SOX6: variants seen among roughly 807,000 people sequenced by gnomAD.
SOX6 encodes the protein transcription factor SOX-6.
A neutral mutation model predicts 97.8 loss-of-function variants in SOX6; 11 were observed. The ratio of observed to expected loss-of-function variants is 0.11; its 90% CI spans 0.07 to 0.19. The LOEUF is 0.19. Among genes scored for constraint, SOX6 ranks in the 10% least tolerant of loss-of-function variants. SOX6 has a pLI of 1.00. For synonymous variants in SOX6, 360 were observed against 371.4 expected, an observed-to-expected ratio of 0.97 and a Z score of 0.35; for missense variants, 810 against 1,039.5, an observed-to-expected ratio of 0.78 and a Z score of 3.04.
chr11:16,432,098 G>A (rs926667932), intron 1 of SOX6, among the ~76,000 whole-genome samples: 4 of 151,912 alleles, frequency 2.6e-5, no homozygotes, highest in South Asian at 2.1e-4. Context: ...CATTCATTTC[G>A]CAGCATCTCA....
At chr11:16,214,773 G>A (rs1183077108) in intron 4 of SOX6, among the ~76,000 whole-genome samples, 4 of 139,390 alleles carry the variant, frequency 2.9e-5, no homozygotes, top group Non-Finnish European at 6.1e-5. Flanking sequence ...TTTTTGAGAC[G>A]GAGTTTCGCT....
intron 7 of SOX6, among the ~76,000 whole-genome samples, chr11:16,102,069 C>T (rs1377905674): frequency 6.6e-6 from 1 of 151,610 alleles, no homozygotes. Context: ...GCATCCAAAT[C>T]GGTAAAAAGG....
rs765204793 is a variant in SOX6 at position 16,352,795 on chromosome 11, T to C, written c.-5+3299A>G. Among the ~76,000 whole-genome samples the C allele has an allele frequency of 1.6e-4, 25 of 152,118 alleles. 1 individual carries two copies. The Middle Eastern group carries it at 0.014, about 83-fold the overall frequency. On this transcript the variant is annotated intron_variant, in intron 1 of 15. Transcript: ENST00000683767. ...TTTTCTTTTCTGTGTACTTCTACAG[T>C]TTGAGATATGTAATTACTAGTTAAC...
intron 1 of SOX6, among the ~76,000 whole-genome samples, chr11:16,467,395 T>C (rs1263349227): frequency 6.6e-6 from 1 of 152,182 alleles, no homozygotes; most frequent in Non-Finnish European, 1.5e-5. Flanking sequence ...CCTAAATGAC[T>C]ATCAACGATA....
chr11:16,695,010 C>T (rs1468617398), intron 3 of SOX6, among the ~76,000 whole-genome samples: 2 of 152,112 alleles, frequency 1.3e-5, no homozygotes, highest in African/African-American at 4.8e-5. Context: ...TATGCAAATA[C>T]TACACCATTT....
intron 3 of SOX6, among the ~76,000 whole-genome samples, chr11:16,630,257 T>C (rs1307187088): frequency 6.6e-6 from 1 of 152,216 alleles, no homozygotes; most frequent in Non-Finnish European, 1.5e-5. Context: ...ACATTGCTTT[T>C]ACTGCATCCC....
Position 16,491,867 on chromosome 11 carries a change from A to T in SOX6, n.610-15479T>A, listed in dbSNP as rs1299810078. 2.0e-5 allele frequency among the ~76,000 whole-genome samples: 3 copies of T among 152,310 alleles called. No homozygotes were observed. In the East Asian group the frequency reaches 5.8e-4, roughly 29 times the overall value. On this transcript the variant is annotated intron_variant and non_coding_transcript_variant, in intron 4 of 5. Transcript: ENST00000524520. ...AGGTAGTCTATGGGTCTAAATTAAA[A>T]AGGTAAAACAATGACTAGAGATTCC...
chr11:16,172,194 T>G (rs1851058940), intron 6 of SOX6, among the ~76,000 whole-genome samples: 1 of 151,980 alleles, frequency 6.6e-6, no homozygotes, highest in African/African-American at 2.4e-5. Context: ...AGGTGTTATG[T>G]GCTATATATG....
At chr11:16,500,159 C>T (rs561780328) in intron 4 of SOX6, among the ~76,000 whole-genome samples, 11 of 152,200 alleles carry the variant, frequency 7.2e-5, no homozygotes, top group African/African-American at 1.9e-4. Context: ...GTTCAACATG[C>T]GCAAATCAAT....
chr11:16,500,504 A>G (rs1040435671), intron 4 of SOX6, among the ~76,000 whole-genome samples: 10 of 152,202 alleles, frequency 6.6e-5, no homozygotes, highest in Admixed American at 1.3e-4. Flanking sequence ...TCAATTAGGA[A>G]AAGAGGAAGT....
chr11:16,277,683 T>G (rs1352367567), intron 3 of SOX6, among the ~76,000 whole-genome samples: 1 of 152,200 alleles, frequency 6.6e-6, no homozygotes, highest in Non-Finnish European at 1.5e-5. Flanking sequence ...ACTCCACACT[T>G]TCTTTGGATC....
At chr11:16,205,952 C>G (rs1852060748) in intron 4 of SOX6, among the ~76,000 whole-genome samples, 2 of 151,850 alleles carry the variant, frequency 1.3e-5, no homozygotes, top group Non-Finnish European at 2.9e-5. Flanking sequence ...TAGAAATAGT[C>G]CTTTAGTGTG....
At chr11:16,273,595 T>C (rs1161303530) in intron 3 of SOX6, among the ~76,000 whole-genome samples, 2 of 151,754 alleles carry the variant, frequency 1.3e-5, no homozygotes, top group African/African-American at 2.4e-5. Flanking sequence ...CCCTGAGAAA[T>C]AATTTTCTCC....
intron 3 of SOX6, among the ~76,000 whole-genome samples, chr11:16,623,669 A>G (rs1286124234): frequency 6.6e-6 from 1 of 152,050 alleles, no homozygotes; most frequent in Non-Finnish European, 1.5e-5. Flanking sequence ...TTCTGATGTC[A>G]TCTTCTAGAA....
chr11:16,706,471 AATATATATATATATATATATATAT>A (rs1157835806), intron 3 of SOX6, among the ~76,000 whole-genome samples: 6 of 22,264 alleles, frequency 2.7e-4, no homozygotes, highest in African/African-American at 6.8e-4. Context: ...AAAAAAAAAA[AATATATATATATATATATATATAT>A]ATATATATAT....
intron 3 of SOX6, among the ~76,000 whole-genome samples, chr11:16,242,539 C>A (rs986559268): frequency 6.6e-6 from 1 of 151,516 alleles, no homozygotes; most frequent in Non-Finnish European, 1.5e-5. Context: ...TAAAGCATTG[C>A]TACTTACAAT....
At position 16,080,258 on chromosome 11, in the gene SOX6, T is replaced by TA. The variant is rs11354992; in HGVS notation, c.1101+15737dup. The stretch of plus-strand genomic sequence containing the variant: ...ATTATAAATAAATATTTAAGAAAAC[T>TA]AAAAAAAAAAAAAAAAAAGACTGAA... On this transcript the variant is annotated intron_variant, in intron 9 of 15. Coordinates refer to ENST00000683767, the MANE Select transcript of SOX6 (RefSeq NM_001367873.1). Among the ~76,000 whole-genome samples, 832 of 106,140 alleles carry TA rather than the reference T, an allele frequency of 7.8e-3. 5 individuals carry two copies. The highest frequency in any genetic ancestry group is 0.041 in the East Asian group (137 of 3,364). 69.6% of individuals were successfully genotyped at this position (106,140 alleles called of 152,430 possible).
intron 4 of SOX6, among the ~76,000 whole-genome samples, chr11:16,583,614 CAT>C (rs534690651): frequency 0.2 from 20,428 of 104,678 alleles, 2,920 homozygotes; most frequent in Non-Finnish European, 0.21. Context: ...TATATATATA[CAT>C]ATATATATAT....
At chr11:15,988,875 G>T (rs572816292) in intron 14 of SOX6, 122 bp downstream of exon 14, 14 of 979,272 alleles carry the variant, frequency 1.4e-5, no homozygotes, top group Non-Finnish European at 2.2e-5. Flanking sequence ...GCTGACCTTC[G>T]TCTAACTTGC....
Sources: gnomAD v4.1 joint callset for allele counts (sites outside exome capture counted in the v4.1 genomes callset) on GRCh38, gnomAD v4.1.1 for gene constraint, MANE v1.5 for transcripts, NCBI Gene and HGNC (gene_info 2026-07-23, HGNC 2026-07-21) for gene names.